Variants in ZNF470 observed in about 807,000 individuals in gnomAD.
ZNF470 encodes zinc finger protein 470, also known as chondrogenesis zinc finger protein 1.
Under a neutral mutation model 13.9 loss-of-function variants are expected in ZNF470, and 13 were observed. The observed-to-expected ratio is 0.94, with a 90% CI of 0.61 to 1.49. ZNF470 has a LOEUF of 1.49. ZNF470 is among the 40% of genes most tolerant of loss of function. The probability of loss-of-function intolerance (pLI) is 0.00; values close to 1 mark genes in which losing one functional copy is unlikely to be tolerated. For missense variants in ZNF470, 929 were observed against 857.3 expected, an observed-to-expected ratio of 1.08 and a Z score of -1.04; for synonymous variants, 293 against 282.9, an observed-to-expected ratio of 1.04 and a Z score of -0.36.
At position 56,567,708 on chromosome 19, in the gene ZNF470, G is replaced by A; in HGVS notation, c.-489G>A. The stretch of plus-strand genomic sequence containing the variant: ...CGAGCGCGCGCGGGGATGGCGGCCC[G>A]GTGTGTGACTGTCCGGTGCGTGGCC... On this transcript the variant is annotated 5_prime_UTR_variant, in exon 1 of 6. Transcript: ENST00000330619. The A allele has an allele frequency of 1.0e-6, 1 of 988,202 alleles. No homozygotes were observed. The highest frequency in any genetic ancestry group is 1.2e-6 in the Non-Finnish European group (1 of 832,178). 61.2% of individuals were successfully genotyped at this position (988,202 alleles called of 1,614,324 possible). A position where few individuals can be genotyped will look rare whatever the true frequency, so the allele number is the denominator to read the frequency against.
chr19:56,574,460 G>T lies in ZNF470; in HGVS notation c.127G>T (p.Ala43Ser), dbSNP rs202028451. The T allele has an allele frequency of 1.2e-4, 199 of 1,613,796 alleles. No individual in the cohort carries two copies. The highest frequency in any genetic ancestry group is 1.6e-4 in the Non-Finnish European group (192 of 1,179,830). Residue 43 changes from alanine (A) to serine (S), a missense_variant, in exon 4 of 6, where the codon GCT (alanine) becomes TCT (serine). Coordinates refer to ENST00000330619, the MANE Select transcript of ZNF470 (RefSeq NM_001001668.4). ...AGATGAATGGGAGTGGCTGAATCTT[G>T]CTCAGAGAAGTTTGTACAAGAAGGT... ...SQDEWEWLNLAQRSLYKKVML... is the reference protein window; with the variant it reads ...SQDEWEWLNLSQRSLYKKVML...
At position 56,580,232 on chromosome 19, in the gene ZNF470, C is replaced by G. The variant is rs911251960; in HGVS notation, c.*1649C>G. On this transcript the variant is annotated 3_prime_UTR_variant, in exon 6 of 6. Transcript: ENST00000330619. ...GCATAATGAAAATAGTCATGATAGT[C>G]CCAAGGCAGATATTGTTTATGATGC... is the stretch of plus-strand genomic sequence containing the variant. The G allele has an allele frequency of 3.5e-5, 30 of 857,228 alleles. No individual in the cohort carries two copies. The African/African-American group carries it at 4.6e-4, about 13-fold the overall frequency. 53.1% of individuals were successfully genotyped at this position (857,228 alleles called of 1,614,324 possible). A position where few individuals can be genotyped will look rare whatever the true frequency, so the allele number is the denominator to read the frequency against.
At chr19:56,576,690 T>A in intron 5 of ZNF470, 23 bp from the exon 6 acceptor site, 3 of 1,375,692 alleles carry the variant, frequency 2.2e-6, no homozygotes. Context: ...AAAGGAGACA[T>A]TTACTTTCTT....
Position 56,582,669 on chromosome 19 carries a change from T to G in ZNF470, c.*4086T>G, listed in dbSNP as rs2044543514. On this transcript the variant is annotated 3_prime_UTR_variant, in exon 6 of 6. Transcript: ENST00000330619. ...CTAAGGTTAAGTTAGGCCATAAGAGTGAGGCCCTAATCCCATAGGACTAGT... is the reference window on the plus strand; with the variant it reads ...CTAAGGTTAAGTTAGGCCATAAGAGGGAGGCCCTAATCCCATAGGACTAGT... 1.5e-6 allele frequency: 1 copy of G among 687,278 alleles called. No individual in the cohort carries two copies. Among genetic ancestry groups the G allele is most frequent in the Non-Finnish European group, 1.8e-6 (1 of 558,210 alleles). The allele number at this position is 687,278 out of a possible 1,614,324, so 42.6% of individuals were successfully genotyped here. A position where few individuals can be genotyped will look rare whatever the true frequency, so the allele number is the denominator to read the frequency against.
At position 56,581,343 on chromosome 19, in the gene ZNF470, G is replaced by C. The variant is rs1185377124; in HGVS notation, c.*2760G>C. On this transcript the variant is annotated 3_prime_UTR_variant, in exon 6 of 6. Transcript: ENST00000330619. ...AATCGAGTGATAACATTCAGTATTG[G>C]TGAATGTGTGGAAACAAGGGAATTC... is the stretch of plus-strand genomic sequence containing the variant. 1 of 879,496 alleles carries C rather than the reference G, an allele frequency of 1.1e-6. No homozygotes were observed. Among genetic ancestry groups the C allele is most frequent in the Non-Finnish European group, 1.4e-6 (1 of 733,494 alleles). 54.5% of individuals were successfully genotyped at this position (879,496 alleles called of 1,614,324 possible).
intron 5 of ZNF470, among the ~76,000 whole-genome samples, chr19:56,576,194 T>C (rs1440780129): frequency 6.6e-6 from 1 of 152,138 alleles, no homozygotes; most frequent in Non-Finnish European, 1.5e-5. Flanking sequence ...AATATAATAA[T>C]GTAGGTTACC....
rs761507476 is a variant in ZNF470 at position 56,577,462 on chromosome 19, T to C, written c.1033T>C (p.Cys345Arg). Residue 345 changes from cysteine (C) to arginine (R), a missense_variant, in exon 6 of 6, where the codon TGT becomes CGT. Physicochemically the swap from Cys to Arg is radical, Grantham distance 180. Coordinates refer to ENST00000330619, the MANE Select transcript of ZNF470 (RefSeq NM_001001668.4). Reference protein sequence around the residue: ...TGEKPYECIECGKAFSDCSSL... With the variant: ...TGEKPYECIERGKAFSDCSSL... ...AGAGAAACCCTATGAATGTATTGAA[T>C]GTGGGAAGGCTTTTAGTGATTGCTC... 1 of 1,613,668 alleles carries C rather than the reference T, an allele frequency of 6.2e-7. No individual in the cohort carries two copies. Among genetic ancestry groups the C allele is most frequent in the South Asian group, 1.1e-5 (1 of 91,078 alleles).
Position 56,577,258 on chromosome 19 carries a change from A to G in ZNF470, c.829A>G (p.Ile277Val), listed in dbSNP as rs760453544. Residue 277 changes from isoleucine (I) to valine (V), a missense_variant, in exon 6 of 6, where the codon ATA (isoleucine) becomes GTA (valine). By Grantham distance (29) the Ile-to-Val change is conservative. Coordinates refer to ENST00000330619, the MANE Select transcript of ZNF470 (RefSeq NM_001001668.4). ...TGCCCACCTTGCTCAACATCAGAGA[A>G]TACACACAGGAGAAAAACCTTTTGA... is the stretch of plus-strand genomic sequence containing the variant. Reference protein sequence around the residue: ...QSAHLAQHQRIHTGEKPFECT... With the variant: ...QSAHLAQHQRVHTGEKPFECT... The G allele has an allele frequency of 2.2e-5, 36 of 1,612,164 alleles. 1 individual carries two copies. The East Asian group carries it at 8.0e-4, about 36-fold the overall frequency.
chr19:56,581,077 T>C lies in ZNF470; in HGVS notation c.*2494T>C. 1.0e-6 allele frequency: 1 copy of C among 984,360 alleles called. No individual in the cohort carries two copies. Among genetic ancestry groups the C allele is most frequent in the Non-Finnish European group, 1.2e-6 (1 of 828,952 alleles). 61.0% of individuals were successfully genotyped at this position (984,360 alleles called of 1,614,324 possible). A position where few individuals can be genotyped will look rare whatever the true frequency, so the allele number is the denominator to read the frequency against. On this transcript the variant is annotated 3_prime_UTR_variant, in exon 6 of 6. Transcript: ENST00000330619. ...GGCTTTTATATGGTGGAAAACATCA[T>C]AGTCAATAGATAAATGAGAGACTGA...
In ZNF470 at chr19:56,581,127, A is replaced by C. The variant is rs2044532337; in HGVS notation, c.*2544A>C. On this transcript the variant is annotated 3_prime_UTR_variant, in exon 6 of 6. Transcript: ENST00000330619. ...ACACAAAGTGTTTGCAACAGATATA[A>C]TAAAGGACTGTAATTCGTGATATTC... is the stretch of plus-strand genomic sequence containing the variant. 1.1e-6 allele frequency: 1 copy of C among 921,248 alleles called. No individual in the cohort carries two copies. The highest frequency in any genetic ancestry group is 1.3e-6 in the Non-Finnish European group (1 of 771,878). The allele number at this position is 921,248 out of a possible 1,614,324, so 57.1% of individuals were successfully genotyped here. A position where few individuals can be genotyped will look rare whatever the true frequency, so the allele number is the denominator to read the frequency against.
In ZNF470 at chr19:56,577,885, T is replaced by G; in HGVS notation, c.1456T>G (p.Cys486Gly). The change falls in exon 6 of 6, where the codon TGT becomes GGT. Residue 486 changes from cysteine to glycine, a missense_variant. Transcript: ENST00000330619. ...AGAGAAACCCTATGAATGTAAAGAA[T>G]GTGGGAAAGCTTTCCGGCAGAGCAC... ...TGEKPYECKE[C>G]GKAFRQSTHL... The G allele has an allele frequency of 1.2e-6, 2 of 1,613,852 alleles. No individual in the cohort carries two copies. The highest frequency in any genetic ancestry group is 1.7e-6 in the Non-Finnish European group (2 of 1,179,878).
chr19:56,578,642 A>G lies in ZNF470; in HGVS notation c.*59A>G. ...GCTTTTTTCCAGCACATGTCCCATC[A>G]TCATAGTCCAAGACGCAACCATCTC... On this transcript the variant is annotated 3_prime_UTR_variant, in exon 6 of 6. Transcript: ENST00000330619. 1.4e-6 allele frequency: 2 copies of G among 1,414,836 alleles called. No homozygotes were observed. Among genetic ancestry groups the G allele is most frequent in the Non-Finnish European group, 1.9e-6 (2 of 1,079,872 alleles). 87.6% of individuals were successfully genotyped at this position (1,414,836 alleles called of 1,614,324 possible). A position where few individuals can be genotyped will look rare whatever the true frequency, so the allele number is the denominator to read the frequency against.
chr19:56,570,574 C>T (rs73935102), intron 3 of ZNF470, among the ~76,000 whole-genome samples: 11,647 of 152,208 alleles, frequency 0.077, 472 homozygotes, highest in African/African-American at 0.093. Flanking sequence ...TCCTTCTCTC[C>T]TTCCTGCTCA....
chr19:56,570,464 G>A lies in ZNF470; in HGVS notation c.60+93G>A. On this transcript the variant is annotated intron_variant, in intron 3 of 5. Coordinates refer to ENST00000330619, the MANE Select transcript of ZNF470 (RefSeq NM_001001668.4). ...TCTTCTGAAAATATTGTGCTTAAGAGTTCCACCCTGAGGCCTGTTTCCTGT... is the reference window on the plus strand; with the variant it reads ...TCTTCTGAAAATATTGTGCTTAAGAATTCCACCCTGAGGCCTGTTTCCTGT... The A allele has an allele frequency of 3.2e-6, 4 of 1,260,670 alleles. No individual in the cohort carries two copies. The South Asian group carries it at 3.8e-5, about 12-fold the overall frequency. 78.1% of individuals were successfully genotyped at this position (1,260,670 alleles called of 1,614,324 possible).
At chr19:56,569,755 G>C (rs1209860402) in intron 2 of ZNF470, among the ~76,000 whole-genome samples, 2 of 151,988 alleles carry the variant, frequency 1.3e-5, no homozygotes, top group African/African-American at 2.4e-5. Context: ...CCTAACTCCA[G>C]GAGGTTGACA....
At chr19:56,576,404 G>T (rs184898497) in intron 5 of ZNF470, among the ~76,000 whole-genome samples, 155 of 152,246 alleles carry the variant, frequency 1.0e-3, no homozygotes, top group African/African-American at 3.5e-3. Flanking sequence ...TTTTGTTTAT[G>T]AATACAGCAT....
chr19:56,579,036 G>C lies in ZNF470; in HGVS notation c.*453G>C. ...AATTGAAAGATTTATGGTACACAAG[G>C]TAACATGGTGGCTTATCACTCCCTC... is the stretch of plus-strand genomic sequence containing the variant. On this transcript the variant is annotated 3_prime_UTR_variant, in exon 6 of 6. Transcript: ENST00000330619. 1 of 986,038 alleles carries C rather than the reference G, an allele frequency of 1.0e-6. No homozygotes were observed. The highest frequency in any genetic ancestry group is 4.7e-5 in the South Asian group (1 of 21,312). The allele number at this position is 986,038 out of a possible 1,614,324, so 61.1% of individuals were successfully genotyped here. A position where few individuals can be genotyped will look rare whatever the true frequency, so the allele number is the denominator to read the frequency against.
intron 1 of ZNF470, among the ~76,000 whole-genome samples, chr19:56,568,254 C>T (rs1489054382): frequency 6.6e-6 from 1 of 152,138 alleles, no homozygotes; most frequent in Non-Finnish European, 1.5e-5. Flanking sequence ...ACCAGATAAC[C>T]TGACTCAGGT....
At chr19:56,569,403 A>T (rs1357453110) in intron 2 of ZNF470, among the ~76,000 whole-genome samples, 1 of 152,152 alleles carries the variant, frequency 6.6e-6, no homozygotes, top group African/African-American at 2.4e-5. Context: ...TCTCCATGGA[A>T]TTTGTCTTAT....
Sources: allele counts gnomAD v4.1 joint callset (sites outside exome capture counted in the v4.1 genomes callset), GRCh38; gene constraint gnomAD v4.1.1; transcripts MANE v1.5; gene names NCBI Gene and HGNC (gene_info 2026-07-23, HGNC 2026-07-21).